The following IMMP2L variants were observed in gnomAD, a reference collection of about 807,000 sequenced individuals.
IMMP2L encodes inner mitochondrial membrane peptidase subunit 2, also known as mitochondrial inner membrane protease subunit 2.
A neutral mutation model predicts 19.3 loss-of-function variants in IMMP2L; 18 were observed. The ratio of observed to expected loss-of-function variants is 0.93; its 90% confidence interval spans 0.64 to 1.38. The LOEUF (loss-of-function observed/expected upper bound fraction) is 1.38. IMMP2L is among the 40% of genes most tolerant of loss of function. The pLI is 0.00. For missense variants in IMMP2L, 233 were observed against 218.2 expected, an observed-to-expected ratio of 1.07 and a Z score of -0.43; for synonymous variants, 76 against 73.0, an observed-to-expected ratio of 1.04 and a Z score of -0.21.
intron 3 of IMMP2L, among the ~76,000 whole-genome samples, chr7:111,359,890 G>A (rs1410928866): frequency 6.6e-6 from 1 of 152,072 alleles, no homozygotes; most frequent in Non-Finnish European, 1.5e-5. Flanking sequence ...TAAATAGATG[G>A]TTAAGGATCT....
At position 110,765,807 on chromosome 7, in the gene IMMP2L, C is replaced by T. The variant is rs1383687196; in HGVS notation, c.409-102086G>A. Among the ~76,000 whole-genome samples, 5 of 152,060 alleles carry T rather than the reference C, an allele frequency of 3.3e-5. No homozygotes were observed. The South Asian group carries it at 1.0e-3, about 32-fold the overall frequency. On this transcript the variant is annotated intron_variant, in intron 5 of 5. Transcript: ENST00000405709. Reference sequence around the variant, plus strand: ...TTTAATACTTTATTTACTATAATAGCCATCTATTTATTAAATAGAAATTTA... The same window carrying T: ...TTTAATACTTTATTTACTATAATAGTCATCTATTTATTAAATAGAAATTTA...
In IMMP2L at chr7:111,088,828, T is replaced by G. The variant is rs563827834; in HGVS notation, c.240-125263A>C. 6.6e-5 allele frequency among the ~76,000 whole-genome samples: 10 copies of G among 152,170 alleles called. No individual in the cohort carries two copies. The East Asian group carries it at 1.9e-3, about 29-fold the overall frequency. ...GTTAAGGACTGAACGCCCTGATAAGTGAAAAAACACCCAAAACACACACTG... is the reference window on the plus strand; with the variant it reads ...GTTAAGGACTGAACGCCCTGATAAGGGAAAAAACACCCAAAACACACACTG... On this transcript the variant is annotated intron_variant, in intron 3 of 5. Coordinates refer to ENST00000405709, the MANE Select transcript of IMMP2L (RefSeq NM_032549.4).
intron 2 of IMMP2L, among the ~76,000 whole-genome samples, chr7:111,508,572 G>A (rs1250068994): frequency 6.6e-6 from 1 of 152,136 alleles, no homozygotes; most frequent in Non-Finnish European, 1.5e-5. Context: ...GGAGGGGTAT[G>A]GTTCCCCTAT....
At chr7:110,974,400 T>C (rs1037888035) in intron 3 of IMMP2L, among the ~76,000 whole-genome samples, 1 of 152,296 alleles carries the variant, frequency 6.6e-6, no homozygotes, top group Non-Finnish European at 1.5e-5. Flanking sequence ...CATGGATAGA[T>C]ATTTTGATTT....
At chr7:111,303,767 C>T (rs551108564) in intron 3 of IMMP2L, among the ~76,000 whole-genome samples, 1 of 152,134 alleles carries the variant, frequency 6.6e-6, no homozygotes, top group South Asian at 2.1e-4. Flanking sequence ...AAAAATCAAT[C>T]TCACCACCTT....
intron 3 of IMMP2L, among the ~76,000 whole-genome samples, chr7:111,195,827 TATTTC>T (rs199610368): frequency 0.11 from 5,369 of 47,012 alleles, 246 homozygotes; most frequent in African/African-American, 0.17. Context: ...TATTTTATTT[TATTTC>T]ATTTCATTTC....
At chr7:111,410,854 G>A (rs1017436649) in intron 3 of IMMP2L, among the ~76,000 whole-genome samples, 3 of 151,574 alleles carry the variant, frequency 2.0e-5, no homozygotes, top group Non-Finnish European at 4.4e-5. Flanking sequence ...AACAAAGTAT[G>A]AAGGAAGAAA....
At chr7:111,559,840 T>C (rs1244650606) in intron 1 of IMMP2L, among the ~76,000 whole-genome samples, 2 of 151,998 alleles carry the variant, frequency 1.3e-5, no homozygotes, top group African/African-American at 2.4e-5. Flanking sequence ...TGGCCCAAAG[T>C]GACACAGCTA....
At chr7:111,267,677 G>A (rs1245109938) in intron 3 of IMMP2L, among the ~76,000 whole-genome samples, 1 of 151,792 alleles carries the variant, frequency 6.6e-6, no homozygotes. Flanking sequence ...ACTTAATAGG[G>A]GTAATATTTT....
intron 4 of IMMP2L, among the ~76,000 whole-genome samples, chr7:110,961,775 A>T (rs553076965): frequency 6.6e-6 from 1 of 152,024 alleles, no homozygotes; most frequent in Admixed American, 6.6e-5. Flanking sequence ...AACCTAAAAA[A>T]CACTGTTAGC....
intron 5 of IMMP2L, among the ~76,000 whole-genome samples, chr7:110,767,694 C>A (rs1223030664): frequency 6.6e-6 from 1 of 152,190 alleles, no homozygotes; most frequent in African/African-American, 2.4e-5. Flanking sequence ...CAAGTCAGCA[C>A]TAAGCAGGGG....
At chr7:111,096,789 C>G (rs1797447589) in intron 3 of IMMP2L, among the ~76,000 whole-genome samples, 1 of 151,862 alleles carries the variant, frequency 6.6e-6, no homozygotes, top group Admixed American at 6.6e-5. Context: ...CATCTCCTTT[C>G]TGGTTTGTCT....
At chr7:110,834,505 G>A (rs1177510675) in intron 5 of IMMP2L, among the ~76,000 whole-genome samples, 1 of 152,026 alleles carries the variant, frequency 6.6e-6, no homozygotes, top group Non-Finnish European at 1.5e-5. Context: ...AGAAGAAATA[G>A]GAGACAACCC....
chr7:111,519,245 C>T (rs1280686457), intron 2 of IMMP2L, among the ~76,000 whole-genome samples: 3 of 152,128 alleles, frequency 2.0e-5, no homozygotes, highest in African/African-American at 7.2e-5. Flanking sequence ...AGCCAAGATG[C>T]AGAGAAGAAC....
chr7:111,072,846 C>T (rs551715743), intron 3 of IMMP2L, among the ~76,000 whole-genome samples: 4 of 148,174 alleles, frequency 2.7e-5, no homozygotes, highest in South Asian at 2.1e-4. Flanking sequence ...GAGCTTGCAG[C>T]GAGCCAAGAT....
chr7:110,808,181 C>T (rs567693166), intron 5 of IMMP2L, among the ~76,000 whole-genome samples: 2 of 152,136 alleles, frequency 1.3e-5, no homozygotes, highest in Non-Finnish European at 2.9e-5. Flanking sequence ...AAAGCTATCT[C>T]AGGACATGGT....
chr7:110,876,784 T>C (rs966633873), intron 5 of IMMP2L, among the ~76,000 whole-genome samples: 2 of 152,124 alleles, frequency 1.3e-5, no homozygotes, highest in Non-Finnish European at 2.9e-5. Context: ...CAATCTAATC[T>C]TTCATTCATA....
At chr7:110,974,243 T>G (rs1406384273) in intron 3 of IMMP2L, among the ~76,000 whole-genome samples, 1 of 152,034 alleles carries the variant, frequency 6.6e-6, no homozygotes, top group Non-Finnish European at 1.5e-5. Context: ...AACTTGGGGA[T>G]TTCGTTTCAC....
chr7:111,062,420 A>T (rs1308073539), intron 3 of IMMP2L, among the ~76,000 whole-genome samples: 10 of 152,192 alleles, frequency 6.6e-5, no homozygotes, highest in Admixed American at 3.9e-4. Context: ...GGGAGTTACA[A>T]GAGGAGATTT....
Sources: gnomAD v4.1 joint callset for allele counts (sites outside exome capture counted in the v4.1 genomes callset) on GRCh38, gnomAD v4.1.1 for gene constraint, MANE v1.5 for transcripts, NCBI Gene and HGNC (gene_info 2026-07-23, HGNC 2026-07-21) for gene names.